Variants in ANKRD40CL observed in about 807,000 individuals in gnomAD.
The protein encoded by ANKRD40CL is ANKRD40 C-terminal like.
For synonymous variants in ANKRD40CL, 5 were observed against 2.3 expected, an observed-to-expected ratio of 2.14 and a Z score of -1.04; for missense variants, 11 against 6.4, an observed-to-expected ratio of 1.71 and a Z score of -0.77.
intron 3 of ANKRD40CL, 72 bp downstream of exon 3, chr17:50,763,325 T>A: frequency 2.5e-6 from 1 of 398,990 alleles, no homozygotes. Context: ...AATGCAGAAG[T>A]GTAAACGATT....
intron 2 of ANKRD40CL, among the ~76,000 whole-genome samples, chr17:50,766,367 C>T (rs1007674215): frequency 1.1e-4 from 17 of 152,136 alleles, no homozygotes; most frequent in Non-Finnish European, 4.4e-5. Context: ...ACACACAGCC[C>T]GAGAACTTTC....
intron 3 of ANKRD40CL, 113 bp downstream of exon 3, chr17:50,763,284 C>G (rs577507650): frequency 5.0e-6 from 2 of 398,206 alleles, no homozygotes; most frequent in African/African-American, 2.1e-5. Flanking sequence ...CATGTTTGGC[C>G]GTTTTGCAGC....
At chr17:50,763,092 T>C in intron 3 of ANKRD40CL, 1 of 225,078 alleles carries the variant, frequency 4.4e-6, no homozygotes, top group Non-Finnish European at 8.6e-6. Flanking sequence ...AGACGGGTTT[T>C]CACCGTGTTG....
At chr17:50,764,342 C>G in intron 2 of ANKRD40CL, 1 of 398,074 alleles carries the variant, frequency 2.5e-6, no homozygotes, top group East Asian at 3.6e-5. Flanking sequence ...CACTTCCTGC[C>G]CTGCAGCTTA....
chr17:50,766,146 CT>C (rs1971308319), intron 2 of ANKRD40CL, among the ~76,000 whole-genome samples: 1 of 152,152 alleles, frequency 6.6e-6, no homozygotes, highest in South Asian at 2.1e-4. Flanking sequence ...ATAATGTCCC[CT>C]CCCCTAGTGA....
intron 2 of ANKRD40CL, among the ~76,000 whole-genome samples, chr17:50,765,468 A>G (rs1437118002): frequency 6.6e-6 from 1 of 152,202 alleles, no homozygotes; most frequent in Non-Finnish European, 1.5e-5. Flanking sequence ...CCTGTGGGGT[A>G]TGCACATTAT....
intron 2 of ANKRD40CL, among the ~76,000 whole-genome samples, chr17:50,766,100 C>T (rs745867503): frequency 2.6e-5 from 4 of 152,138 alleles, no homozygotes; most frequent in East Asian, 1.9e-4. Context: ...GGAGATGAGA[C>T]GCTCCTGCCC....
At chr17:50,766,774 G>C in intron 2 of ANKRD40CL, 100 bp downstream of exon 2, 1 of 590,140 alleles carries the variant, frequency 1.7e-6, no homozygotes, top group Non-Finnish European at 3.0e-6. Context: ...GGAGGCCACA[G>C]GGCACTGCTG....
At chr17:50,764,415 A>C (rs1971260146) in intron 2 of ANKRD40CL, 1 of 395,160 alleles carries the variant, frequency 2.5e-6, no homozygotes. Flanking sequence ...TCAGTCTTGA[A>C]GAGTAATTTT....
chr17:50,766,939 G>A lies in ANKRD40CL; in HGVS notation c.-26C>T, dbSNP rs1234199312. On this transcript the variant is annotated 5_prime_UTR_variant, in exon 2 of 4. Transcript: ENST00000450727. Reference sequence around the variant, plus strand: ...GAGTCACCTCTAGTCCGTCAGATGTGCAGCCCCTCTCGCATTTATGCACAA... The same window carrying A: ...GAGTCACCTCTAGTCCGTCAGATGTACAGCCCCTCTCGCATTTATGCACAA... 3 of 701,522 alleles carry A rather than the reference G, an allele frequency of 4.3e-6. No homozygotes were observed. Among genetic ancestry groups the A allele is most frequent in the Admixed American group, 2.0e-5 (1 of 49,924 alleles). 43.5% of individuals were successfully genotyped at this position (701,522 alleles called of 1,614,324 possible).
At chr17:50,767,189 A>T in intron 1 of ANKRD40CL, 178 bp from the exon 2 acceptor site, 2 of 629,446 alleles carry the variant, frequency 3.2e-6, no homozygotes, top group South Asian at 1.5e-5. Flanking sequence ...TCCCCACTGG[A>T]AGACGGTGCA....
Position 50,762,349 on chromosome 17 carries a change from C to T in ANKRD40CL, c.202-843G>A, listed in dbSNP as rs577319769. On this transcript the variant is annotated intron_variant, in intron 3 of 3. Coordinates refer to ENST00000450727, the MANE Select transcript of ANKRD40CL (RefSeq NM_001358683.3). Reference sequence around the variant, plus strand: ...GAACAGCAGCTCACCACCTGTTATCCCAGCACTTAGGAGGATGAGGCCAGG... The same window carrying T: ...GAACAGCAGCTCACCACCTGTTATCTCAGCACTTAGGAGGATGAGGCCAGG... Among the ~76,000 whole-genome samples the T allele has an allele frequency of 3.3e-5, 5 of 152,176 alleles. No homozygotes were observed. In the South Asian group the frequency reaches 1.0e-3, roughly 32 times the overall value.
chr17:50,761,224 TTAGTA>T lies in ANKRD40CL; in HGVS notation c.*134_*138del, dbSNP rs1971195904. 1 of 376,276 alleles carries T rather than the reference TTAGTA, an allele frequency of 2.7e-6. No homozygotes were observed. The highest frequency in any genetic ancestry group is 3.8e-5 in the East Asian group (1 of 26,376). 23.3% of individuals were successfully genotyped at this position (376,276 alleles called of 1,614,324 possible). A position where few individuals can be genotyped will look rare whatever the true frequency, so the allele number is the denominator to read the frequency against. Reference sequence around the variant, plus strand: ...CACCTAGCTAATTTTTGTATTTTTTTTAGTAGAGACTGGGTTTCACTATATGTTGG... The same window carrying T: ...CACCTAGCTAATTTTTGTATTTTTTTGAGACTGGGTTTCACTATATGTTGG... On this transcript the variant is annotated 3_prime_UTR_variant, in exon 4 of 4. Coordinates refer to ENST00000450727, the MANE Select transcript of ANKRD40CL (RefSeq NM_001358683.3).
intron 2 of ANKRD40CL, chr17:50,763,941 T>C (rs1022484932): frequency 2.6e-6 from 1 of 389,914 alleles, no homozygotes; most frequent in African/African-American, 2.1e-5. Flanking sequence ...GGGGCCCTGG[T>C]GTCCTTAAAG....
intron 2 of ANKRD40CL, among the ~76,000 whole-genome samples, chr17:50,765,474 A>G (rs1317267881): frequency 1.3e-5 from 2 of 152,218 alleles, no homozygotes; most frequent in Non-Finnish European, 2.9e-5. Flanking sequence ...GGGTATGCAC[A>G]TTATTATTTT....
chr17:50,762,839 G>C (rs997002868), intron 3 of ANKRD40CL: 2 of 151,818 alleles, frequency 1.3e-5, no homozygotes, highest in Non-Finnish European at 2.9e-5. Context: ...ATTTTGCAGA[G>C]ATTGGTGGGG....
chr17:50,761,237 G>T lies in ANKRD40CL; in HGVS notation c.*126C>A. The T allele has an allele frequency of 2.6e-6, 1 of 384,178 alleles. No individual in the cohort carries two copies. 23.8% of individuals were successfully genotyped at this position (384,178 alleles called of 1,614,324 possible). ...TTTGTATTTTTTTTAGTAGAGACTG[G>T]GTTTCACTATATGTTGGCCAGGCTG... On this transcript the variant is annotated 3_prime_UTR_variant, in exon 4 of 4. Transcript: ENST00000450727.
chr17:50,765,613 G>A (rs756171838), intron 2 of ANKRD40CL, among the ~76,000 whole-genome samples: 1 of 152,210 alleles, frequency 6.6e-6, no homozygotes, highest in Non-Finnish European at 1.5e-5. Context: ...AAAATGAAGA[G>A]GAAGCCAATT....
At chr17:50,764,691 C>A (rs536686181) in intron 2 of ANKRD40CL, 68 of 153,006 alleles carry the variant, frequency 4.4e-4, no homozygotes, top group Non-Finnish European at 8.3e-4. Context: ...TTGTGTATTT[C>A]TTTCTTTCTT....
Sources: allele counts gnomAD v4.1 joint callset (sites outside exome capture counted in the v4.1 genomes callset), GRCh38; gene constraint gnomAD v4.1.1; transcripts MANE v1.5; gene names NCBI Gene and HGNC (gene_info 2026-07-23, HGNC 2026-07-21).